GPC6: variants seen among roughly 807,000 people sequenced by gnomAD.
GPC6 encodes glypican-6.
Under a neutral mutation model 55.2 loss-of-function variants are expected in GPC6, and 14 were observed. The observed-to-expected ratio is 0.25, with a 90% CI of 0.17 to 0.40. GPC6 has a LOEUF of 0.40. Among genes scored for constraint, GPC6 ranks in the 10% least tolerant of loss-of-function variants. The pLI, the probability that GPC6 is intolerant of heterozygous loss-of-function variation, is 1.00. For missense variants in GPC6, 641 were observed against 708.5 expected, an observed-to-expected ratio of 0.90 and a Z score of 1.08; for synonymous variants, 278 against 259.6, an observed-to-expected ratio of 1.07 and a Z score of -0.68.
chr13:93,725,659 C>A (rs1883610225), intron 2 of GPC6, among the ~76,000 whole-genome samples: 1 of 151,972 alleles, frequency 6.6e-6, no homozygotes, highest in Admixed American at 6.6e-5. Flanking sequence ...CAATAATCAT[C>A]AATATTAGAG....
At position 93,973,202 on chromosome 13, in the gene GPC6, G is replaced by A. The variant is rs1209336792; in HGVS notation, c.712-54527G>A. Among the ~76,000 whole-genome samples, 3 of 152,104 alleles carry A rather than the reference G, an allele frequency of 2.0e-5. No homozygotes were observed. In the East Asian group the frequency reaches 5.8e-4, roughly 29 times the overall value. ...ATGTGGTATAACCTATTGCTCTTTG[G>A]CTACAAACCTGTGCAGCATGTGACT... On this transcript the variant is annotated intron_variant, in intron 3 of 8. Transcript: ENST00000377047.
chr13:93,230,729 C>G (rs1477322486), intron 1 of GPC6, among the ~76,000 whole-genome samples: 1 of 152,098 alleles, frequency 6.6e-6, no homozygotes, highest in Non-Finnish European at 1.5e-5. Flanking sequence ...ACATTCTAGT[C>G]TTTCCTCATT....
At position 93,552,136 on chromosome 13, in the gene GPC6, A is replaced by T. The variant is rs537355905; in HGVS notation, c.319+6715A>T. Among the ~76,000 whole-genome samples the T allele has an allele frequency of 2.6e-4, 39 of 152,296 alleles. 1 individual carries two copies. Among genetic ancestry groups the T allele is most frequent in the Admixed American group, 1.9e-3 (29 of 15,298 alleles). The stretch of plus-strand genomic sequence containing the variant: ...CTACCAGCTCAGCGACATGTATTCC[A>T]TCTGAAGGACACTCTTCTTGAAATC... On this transcript the variant is annotated intron_variant, in intron 2 of 8. Transcript: ENST00000377047.
chr13:93,979,638 C>G (rs769896654), intron 3 of GPC6, among the ~76,000 whole-genome samples: 25 of 152,014 alleles, frequency 1.6e-4, no homozygotes, highest in Admixed American at 2.6e-4. Context: ...AATGTGGAGT[C>G]AGTGAACTCA....
intron 3 of GPC6, among the ~76,000 whole-genome samples, chr13:93,873,908 A>G (rs866900477): frequency 2.6e-5 from 4 of 151,818 alleles, no homozygotes; most frequent in African/African-American, 9.7e-5. Context: ...TTCAGAATCT[A>G]TCCCCAATGT....
chr13:93,328,744 C>T (rs999082970), intron 1 of GPC6, among the ~76,000 whole-genome samples: 2 of 151,386 alleles, frequency 1.3e-5, no homozygotes, highest in African/African-American at 4.9e-5. Flanking sequence ...CAATCACTAG[C>T]GAGAATCTAT....
intron 2 of GPC6, among the ~76,000 whole-genome samples, chr13:93,819,655 T>G (rs1223366631): frequency 1.3e-5 from 2 of 152,186 alleles, no homozygotes; most frequent in Non-Finnish European, 2.9e-5. Context: ...CTTTTAATTT[T>G]ATATTCAGAG....
intron 4 of GPC6, among the ~76,000 whole-genome samples, chr13:94,268,536 T>C (rs958086228): frequency 1.3e-5 from 2 of 152,184 alleles, no homozygotes; most frequent in Non-Finnish European, 2.9e-5. Flanking sequence ...AAAAATAACC[T>C]TACCTAAGTC....
At chr13:94,371,525 G>C (rs1280857935) in intron 6 of GPC6, among the ~76,000 whole-genome samples, 1 of 152,076 alleles carries the variant, frequency 6.6e-6, no homozygotes, top group African/African-American at 2.4e-5. Context: ...TTTGTATAAG[G>C]GTGTAATGAT....
At chr13:94,089,884 T>G (rs1416129964) in intron 4 of GPC6, among the ~76,000 whole-genome samples, 1 of 152,066 alleles carries the variant, frequency 6.6e-6, no homozygotes, top group Non-Finnish European at 1.5e-5. Context: ...TAAATGAGAT[T>G]GACTGTGTTG....
rs148704325 is a variant in GPC6, at chr13:94,186,357, G to A, written c.878-99992G>A. On this transcript the variant is annotated intron_variant, in intron 4 of 8. Coordinates refer to ENST00000377047, the MANE Select transcript of GPC6 (RefSeq NM_005708.5). ...TAAAAGAACTTAAAGATGCTTGCAA[G>A]CCAACAAGAGCAGAGTCCCATTTTC... Among the ~76,000 whole-genome samples, 40 of 152,306 alleles carry A rather than the reference G, an allele frequency of 2.6e-4. 1 individual carries two copies. The highest frequency in any genetic ancestry group is 9.6e-4 in the African/African-American group (40 of 41,580).
intron 3 of GPC6, among the ~76,000 whole-genome samples, chr13:93,935,980 T>A (rs1162128451): frequency 6.6e-6 from 1 of 152,078 alleles, no homozygotes; most frequent in Non-Finnish European, 1.5e-5. Context: ...TGAGAATCGA[T>A]GATAAACTTA....
chr13:93,655,272 T>C (rs1485915100), intron 2 of GPC6, among the ~76,000 whole-genome samples: 4 of 152,144 alleles, frequency 2.6e-5, no homozygotes, highest in East Asian at 1.9e-4. Flanking sequence ...TTGCCACATA[T>C]ACCCTTGGCC....
At chr13:93,554,266 G>T (rs1875335836) in intron 2 of GPC6, among the ~76,000 whole-genome samples, 1 of 152,022 alleles carries the variant, frequency 6.6e-6, no homozygotes, top group Non-Finnish European at 1.5e-5. Flanking sequence ...CTCAATTTTT[G>T]TATATTCAAC....
intron 6 of GPC6, among the ~76,000 whole-genome samples, chr13:94,324,834 A>G (rs956396401): frequency 2.6e-5 from 4 of 152,154 alleles, no homozygotes; most frequent in Admixed American, 2.0e-4. Flanking sequence ...ACTAATAAGG[A>G]TACGCCACGT....
chr13:93,344,328 C>A (rs1880361580), intron 1 of GPC6, among the ~76,000 whole-genome samples: 1 of 152,174 alleles, frequency 6.6e-6, no homozygotes, highest in Admixed American at 6.5e-5. Context: ...TGGCTGCCTC[C>A]AGAGAACCTA....
intron 4 of GPC6, among the ~76,000 whole-genome samples, chr13:94,216,932 G>A (rs545210282): frequency 6.6e-6 from 1 of 152,282 alleles, no homozygotes; most frequent in South Asian, 2.1e-4. Context: ...AAAGTCAGAA[G>A]ATCTGGGTCT....
chr13:93,250,285 G>A (rs538002709), intron 1 of GPC6, among the ~76,000 whole-genome samples: 15 of 152,292 alleles, frequency 9.8e-5, no homozygotes, highest in South Asian at 2.1e-4. Context: ...CTTAGATTGC[G>A]GAGTGATAAA....
At chr13:94,327,305 G>A (rs537437943) in intron 6 of GPC6, among the ~76,000 whole-genome samples, 16 of 152,224 alleles carry the variant, frequency 1.1e-4, no homozygotes, top group Admixed American at 2.6e-4. Flanking sequence ...TTGGAATTTC[G>A]TGGAGATGAT....
Sources: gnomAD v4.1 joint callset for allele counts (sites outside exome capture counted in the v4.1 genomes callset) on GRCh38, gnomAD v4.1.1 for gene constraint, MANE v1.5 for transcripts, NCBI Gene and HGNC (gene_info 2026-07-23, HGNC 2026-07-21) for gene names.